NMRK1: variants seen among roughly 807,000 people sequenced by gnomAD.
NMRK1 encodes the protein nicotinamide riboside kinase 1, also known as NRK 1.
NMRK1 carries 28 observed loss-of-function variants against 29.9 expected under a neutral mutation model. The observed-to-expected ratio is 0.94, with a 90% confidence interval of 0.69 to 1.28. NMRK1 has a LOEUF of 1.28. Among genes scored for constraint, NMRK1 ranks in the 50% most tolerant of loss-of-function variants. The pLI, the probability that NMRK1 is intolerant of heterozygous loss-of-function variation, is 0.00. For missense variants in NMRK1, 218 were observed against 233.1 expected (o/e 0.94, Z 0.42); for synonymous variants, 58 against 73.0 (o/e 0.79, Z 1.05).
At chr9:75,087,546 G>GTT (rs1824735749) in intron 1 of NMRK1, 1 of 151,430 alleles carries the variant, frequency 6.6e-6, no homozygotes, top group Non-Finnish European at 1.5e-5. Flanking sequence ...CACTGAAATC[G>GTT]TAATTTCATG....
Position 75,066,797 on chromosome 9 carries a change from T to C in NMRK1, c.540A>G (p.Gln180=), listed in dbSNP as rs142668992. 271 of 1,609,396 alleles carry C rather than the reference T, an allele frequency of 1.7e-4. No homozygotes were observed. Among genetic ancestry groups the C allele is most frequent in the Non-Finnish European group, 2.1e-4 (247 of 1,176,464 alleles). Residue 180 remains glutamine (Q), a synonymous_variant, in exon 8 of 9, where the codon CAA becomes CAG. Transcript: ENST00000361092. ...GTTCTTGTATTAGATCTTCATATACTTGCAAAAAGAGGTCCTCTTCAGATT... is the reference window on the plus strand; with the variant it reads ...GTTCTTGTATTAGATCTTCATATACCTGCAAAAAGAGGTCCTCTTCAGATT... ...GTKSEEDLFL[Q]VYEDLIQELA...
At chr9:75,074,683 C>T (rs188024469) in intron 4 of NMRK1, among the ~76,000 whole-genome samples, 43 of 152,190 alleles carry the variant, frequency 2.8e-4, no homozygotes, top group Middle Eastern at 3.4e-3. Flanking sequence ...CCACCACACC[C>T]GGCCATCCCT....
chr9:75,067,120 C>T, intron 7 of NMRK1: 1 of 287,534 alleles, frequency 3.5e-6, no homozygotes, highest in Non-Finnish European at 6.5e-6. Context: ...AGGAAAGAAA[C>T]AGAAGAAAGA....
rs75999576 is a variant in NMRK1 at position 75,072,207 on chromosome 9, A to G, written c.170-2165T>C. On this transcript the variant is annotated intron_variant, in intron 4 of 8. Coordinates refer to ENST00000361092, the MANE Select transcript of NMRK1 (RefSeq NM_017881.3). ...TCTCCTGTATATGTAGGAGGCAAAA[A>G]GAAAACCCATGGATCCCATAGCCAT... is the stretch of plus-strand genomic sequence containing the variant. 8.7e-3 allele frequency among the ~76,000 whole-genome samples: 1,319 copies of G among 152,284 alleles called. 18 individuals are homozygous for G. Among genetic ancestry groups the G allele is most frequent in the African/African-American group, 0.029 (1,208 of 41,548 alleles).
intron 2 of NMRK1, among the ~76,000 whole-genome samples, chr9:75,080,327 G>C (rs1440749840): frequency 6.6e-6 from 1 of 152,154 alleles, no homozygotes; most frequent in Non-Finnish European, 1.5e-5. Context: ...GACTGAGTTT[G>C]GATGTTTGTC....
chr9:75,076,522 C>T (rs1823998132), intron 4 of NMRK1, among the ~76,000 whole-genome samples: 1 of 152,142 alleles, frequency 6.6e-6, no homozygotes, highest in Admixed American at 6.5e-5. Flanking sequence ...ATTATATAGG[C>T]ATATTTTACC....
At chr9:75,077,289 TTAA>T in intron 3 of NMRK1, 82 bp from the exon 4 acceptor site, 1 of 1,019,042 alleles carries the variant, frequency 9.8e-7, no homozygotes, top group Non-Finnish European at 1.5e-6. Context: ...AGAGAAGTCT[TTAA>T]TAAATGCTTT....
rs562388671 is a variant in NMRK1, at chr9:75,083,376, A to G, written c.-35-226T>C. Reference sequence around the variant, plus strand: ...CTGTCAAACAGTTCAACGTCAGGTGACCTGCCGGAGCACTCCCCCTTGAAC... The same window carrying G: ...CTGTCAAACAGTTCAACGTCAGGTGGCCTGCCGGAGCACTCCCCCTTGAAC... On this transcript the variant is annotated intron_variant, in intron 1 of 8. Transcript: ENST00000361092. 1.3e-4 allele frequency among the ~76,000 whole-genome samples: 20 copies of G among 152,232 alleles called. No individual in the cohort carries two copies. In the South Asian group the frequency reaches 4.2e-3, roughly 32 times the overall value.
chr9:75,087,916 G>C, intron 1 of NMRK1, 92 bp downstream of exon 1: 1 of 153,714 alleles, frequency 6.5e-6, no homozygotes, highest in Non-Finnish European at 1.4e-5. Context: ...GCGCAACCAA[G>C]TCCCGGGCTC....
At chr9:75,068,140 C>T (rs749131860) in intron 7 of NMRK1, among the ~76,000 whole-genome samples, 25 of 152,240 alleles carry the variant, frequency 1.6e-4, no homozygotes, top group Non-Finnish European at 2.4e-4. Flanking sequence ...GTCATCTTCC[C>T]GCCCCCTCCA....
chr9:75,077,123 A>G (rs540931676), intron 4 of NMRK1, 36 bp downstream of exon 4: 2 of 1,261,872 alleles, frequency 1.6e-6, no homozygotes, highest in East Asian at 2.3e-5. Flanking sequence ...GAAAATGAAC[A>G]TAAGCATATA....
At chr9:75,061,972 G>A (rs1823047517) in intron 8 of NMRK1, among the ~76,000 whole-genome samples, 1 of 152,168 alleles carries the variant, frequency 6.6e-6, no homozygotes, top group Admixed American at 6.5e-5. Context: ...TGGAATACTT[G>A]ATTTGGCATA....
chr9:75,079,865 G>A (rs1258518460), intron 2 of NMRK1, among the ~76,000 whole-genome samples: 3 of 152,186 alleles, frequency 2.0e-5, no homozygotes, highest in Non-Finnish European at 4.4e-5. Context: ...CAACCACCAC[G>A]TGTAGCTTGC....
At chr9:75,068,331 C>A (rs960423292) in intron 7 of NMRK1, among the ~76,000 whole-genome samples, 1 of 152,194 alleles carries the variant, frequency 6.6e-6, no homozygotes, top group Non-Finnish European at 1.5e-5. Flanking sequence ...GAACAATGAT[C>A]AAAGTCCTTA....
chr9:75,074,708 T>C (rs1342009313), intron 4 of NMRK1, among the ~76,000 whole-genome samples: 3 of 152,188 alleles, frequency 2.0e-5, no homozygotes, highest in Middle Eastern at 3.2e-3. Flanking sequence ...TTTTAATTTT[T>C]GTTTTGACTT....
intron 1 of NMRK1, among the ~76,000 whole-genome samples, chr9:75,087,046 C>T (rs1355705853): frequency 6.6e-6 from 1 of 152,030 alleles, no homozygotes; most frequent in South Asian, 2.1e-4. Context: ...GCTGGGACTA[C>T]AGGCGTCTGC....
Position 75,083,074 on chromosome 9 carries a change from C to A in NMRK1, c.29+13G>T, listed in dbSNP as rs772305568. On this transcript the variant is annotated intron_variant, in intron 2 of 8. Transcript: ENST00000361092. ...CAGTATCTTAAAGAGCTGTTTGTAG[C>A]AAAATTACTCACCCACTGATTCCAA... 6 of 1,586,214 alleles carry A rather than the reference C, an allele frequency of 3.8e-6. No homozygotes were observed. In the East Asian group the frequency reaches 1.3e-4, roughly 35 times the overall value.
At chr9:75,087,586 T>G (rs905232764) in intron 1 of NMRK1, 6 of 151,212 alleles carry the variant, frequency 4.0e-5, no homozygotes, top group Admixed American at 2.6e-4. Context: ...AGTATTATAT[T>G]TCTTTTTATT....
rs1329730345 is a variant in NMRK1 at position 75,061,502 on chromosome 9, T to A, written c.*46A>T. On this transcript the variant is annotated 3_prime_UTR_variant, in exon 9 of 9. Transcript: ENST00000361092. ...TGGTGAAGGTTCTTAAATTACTCCT[T>A]GGAGTTTCCTAATTCACTTCAGGAA... The A allele has an allele frequency of 6.6e-7, 1 of 1,516,804 alleles. No individual in the cohort carries two copies. The highest frequency in any genetic ancestry group is 1.4e-5 in the African/African-American group (1 of 72,626). 94.0% of individuals were successfully genotyped at this position (1,516,804 alleles called of 1,614,324 possible).
Sources: gnomAD v4.1 joint callset for allele counts (sites outside exome capture counted in the v4.1 genomes callset) on GRCh38, gnomAD v4.1.1 for gene constraint, MANE v1.5 for transcripts, NCBI Gene and HGNC (gene_info 2026-07-23, HGNC 2026-07-21) for gene names.